Variants in OCIAD1 observed in about 807,000 individuals in gnomAD.
The protein encoded by OCIAD1 is OCIA domain-containing protein 1.
Under a neutral mutation model 38.9 loss-of-function variants are expected in OCIAD1, and 29 were observed. The observed-to-expected ratio is 0.74, with a 90% CI of 0.55 to 1.02. The LOEUF (loss-of-function observed/expected upper bound fraction) is 1.02. OCIAD1 is among the 50% of genes least tolerant of loss of function. The pLI is 0.00. For missense variants in OCIAD1, 288 were observed against 289.6 expected, an observed-to-expected ratio of 0.99 and a Z score of 0.04; for synonymous variants, 110 against 92.0, an observed-to-expected ratio of 1.20 and a Z score of -1.12.
At chr4:48,812,661 G>A (rs187353239) in intron 1 of OCIAD1, among the ~76,000 whole-genome samples, 1 of 152,312 alleles carries the variant, frequency 6.6e-6, no homozygotes, top group East Asian at 1.9e-4. Context: ...CTTTGACAAG[G>A]ACATTTGCTT....
chr4:48,850,082 G>T lies in OCIAD1; in HGVS notation c.377G>T (p.Gly126Val). The T allele has an allele frequency of 1.2e-6, 2 of 1,610,416 alleles. No homozygotes were observed. Among genetic ancestry groups the T allele is most frequent in the Non-Finnish European group, 1.7e-6 (2 of 1,179,066 alleles). Residue 126 changes from glycine to valine, a missense_variant and splice_region_variant, in exon 6 of 9, where the codon GGG becomes GTG. Physicochemically the swap from Gly to Val is moderately radical, Grantham distance 109 (BLOSUM62 -3). Coordinates refer to ENST00000264312, the MANE Select transcript of OCIAD1 (RefSeq NM_017830.4). ...SGQARRSSPP[G>V]HYYQKSKYDS... ...CAAGCACGACGATCTTCACCACCTG[G>T]GTAGGCCAGATTCTGATCTTTACTT...
chr4:48,831,291 G>T (rs1777461255), intron 1 of OCIAD1, 42 bp downstream of exon 1: 37 of 357,446 alleles, frequency 1.0e-4, no homozygotes, highest in South Asian at 7.6e-4. Context: ...TGCCCTCCGC[G>T]TATCCCCTCA....
intron 5 of OCIAD1, among the ~76,000 whole-genome samples, chr4:48,849,530 TTC>T (rs1779244953): frequency 6.6e-6 from 1 of 152,182 alleles, no homozygotes; most frequent in Non-Finnish European, 1.5e-5. Flanking sequence ...GCATATGATA[TTC>T]TGTTTTATAG....
intron 3 of OCIAD1, among the ~76,000 whole-genome samples, chr4:48,839,852 A>G (rs1052282315): frequency 2.6e-5 from 4 of 152,208 alleles, no homozygotes; most frequent in African/African-American, 9.6e-5. Flanking sequence ...GAGACAGATT[A>G]TTTAACAAAA....
chr4:48,811,038 A>G (rs1777084733), intron 1 of OCIAD1, among the ~76,000 whole-genome samples: 1 of 151,644 alleles, frequency 6.6e-6, no homozygotes, highest in African/African-American at 2.4e-5. Context: ...TGTGTTTTTA[A>G]TAGAGACAGA....
At chr4:48,830,870 C>T (rs1248642707), upstream of OCIAD1, 1 of 154,738 alleles carries the variant, frequency 6.5e-6, no homozygotes, top group African/African-American at 2.4e-5. Context: ...CTCCCAACCC[C>T]CTTCCCCGCC....
chr4:48,848,133 A>G (rs1381390182), intron 4 of OCIAD1, among the ~76,000 whole-genome samples: 1 of 151,808 alleles, frequency 6.6e-6, no homozygotes, highest in African/African-American at 2.4e-5. Flanking sequence ...ACAGTTTTTC[A>G]TACACACACA....
At chr4:48,849,133 C>T (rs531695950) in intron 5 of OCIAD1, among the ~76,000 whole-genome samples, 1 of 151,734 alleles carries the variant, frequency 6.6e-6, no homozygotes, top group Non-Finnish European at 1.5e-5. Context: ...CATCACACAC[C>T]GGGGCCTGTT....
In OCIAD1 at chr4:48,832,682, C is replaced by T. The variant is rs750376769; in HGVS notation, c.58C>T (p.His20Tyr). Residue 20 changes from histidine to tyrosine, a missense_variant and splice_region_variant, in exon 2 of 9, where the codon CAC (histidine) becomes TAC (tyrosine). Transcript: ENST00000264312. ...TGCAGAGGTTCCAAGACCAATTCCC[C>T]GTAACTATCTATTAAGTATTTATAA... ...PNAEVPRPIP[H>Y]IGPDYIPTEE... 2.2e-5 allele frequency: 36 copies of T among 1,605,210 alleles called. No homozygotes were observed. The highest frequency in any genetic ancestry group is 8.9e-5 in the East Asian group (4 of 44,850).
rs142653485 is a variant in OCIAD1 at position 48,816,709 on chromosome 4, G to A, written c.-103+11379G>A. Reference sequence around the variant, plus strand: ...ACGGTGGCAGGGCACCGTGGCTCACGCCTGTAACCCCAGCACTTTGGGAGG... The same window carrying A: ...ACGGTGGCAGGGCACCGTGGCTCACACCTGTAACCCCAGCACTTTGGGAGG... On this transcript the variant is annotated intron_variant, in intron 1 of 6. Coordinates refer to the OCIAD1 transcript ENST00000504654. Among the ~76,000 whole-genome samples, 565 of 152,190 alleles carry A rather than the reference G, an allele frequency of 3.7e-3. 6 individuals are homozygous for A. Among genetic ancestry groups the A allele is most frequent in the African/African-American group, 0.013 (559 of 41,514 alleles).
chr4:48,857,309 C>T lies in OCIAD1; in HGVS notation c.644C>T (p.Thr215Ile). Reference protein sequence around the residue: ...KNRESYEVSLTQKTDPSVRPM... With the variant: ...KNRESYEVSLIQKTDPSVRPM... Reference sequence around the variant, plus strand: ...AGAGAGTCATATGAAGTATCTTTAACACAAAAGACTGACCCCTCAGTCAGG... The same window carrying T: ...AGAGAGTCATATGAAGTATCTTTAATACAAAAGACTGACCCCTCAGTCAGG... The change falls in exon 8 of 9, where the codon ACA (threonine) becomes ATA (isoleucine). Residue 215 changes from threonine (T) to isoleucine (I), a missense_variant. Transcript: ENST00000264312. 2 of 1,598,568 alleles carry T rather than the reference C, an allele frequency of 1.3e-6. No homozygotes were observed. Among genetic ancestry groups the T allele is most frequent in the Non-Finnish European group, 1.7e-6 (2 of 1,172,208 alleles).
At chr4:48,853,198 T>TTA (rs1200850770) in intron 7 of OCIAD1, among the ~76,000 whole-genome samples, 1 of 152,124 alleles carries the variant, frequency 6.6e-6, no homozygotes, top group African/African-American at 2.4e-5. Flanking sequence ...TTTTTAATAA[T>TTA]TAAACTGGTA....
intron 3 of OCIAD1, among the ~76,000 whole-genome samples, chr4:48,836,587 A>G (rs1012483899): frequency 1.2e-4 from 18 of 152,216 alleles, no homozygotes; most frequent in African/African-American, 4.3e-4. Context: ...TAAAACTGAT[A>G]ATAGTTTCTG....
At chr4:48,819,316 G>A (rs1215631666) in intron 1 of OCIAD1, among the ~76,000 whole-genome samples, 1 of 152,044 alleles carries the variant, frequency 6.6e-6, no homozygotes, top group Non-Finnish European at 1.5e-5. Context: ...AAGAAAAGGA[G>A]TAACAAAATC....
intron 3 of OCIAD1, among the ~76,000 whole-genome samples, chr4:48,834,115 C>T (rs1458779460): frequency 2.0e-5 from 3 of 152,066 alleles, no homozygotes. Context: ...ATTGGTATTG[C>T]TTTACTTGGA....
chr4:48,860,581 CCT>C, intron 8 of OCIAD1, 142 bp from the exon 9 acceptor site: 6 of 692,796 alleles, frequency 8.7e-6, no homozygotes, highest in South Asian at 1.7e-5. Context: ...CTGGTCATCC[CCT>C]TTTTGTAATT....
chr4:48,815,288 G>T (rs570751157), intron 1 of OCIAD1, among the ~76,000 whole-genome samples: 2 of 152,042 alleles, frequency 1.3e-5, no homozygotes, highest in Non-Finnish European at 2.9e-5. Context: ...CCAGCCCGGG[G>T]AACAGTGTGA....
chr4:48,823,495 G>A (rs931341079), intron 1 of OCIAD1, among the ~76,000 whole-genome samples: 2 of 151,606 alleles, frequency 1.3e-5, no homozygotes, highest in African/African-American at 2.4e-5. Flanking sequence ...AAACCACCAT[G>A]GCACCTGTAT....
chr4:48,844,548 G>A (rs1363179813), intron 4 of OCIAD1, among the ~76,000 whole-genome samples: 7 of 152,022 alleles, frequency 4.6e-5, no homozygotes, highest in African/African-American at 9.7e-5. Flanking sequence ...CCCAGGTGGC[G>A]GAGGCTGCAG....
Sources: gnomAD v4.1 joint callset for allele counts (sites outside exome capture counted in the v4.1 genomes callset) on GRCh38, gnomAD v4.1.1 for gene constraint, MANE v1.5 for transcripts, NCBI Gene and HGNC (gene_info 2026-07-23, HGNC 2026-07-21) for gene names.